ZBTB7C: variants seen among roughly 807,000 people sequenced by gnomAD.
ZBTB7C encodes zinc finger and BTB domain containing 7C.
Under a neutral mutation model 25.7 loss-of-function variants are expected in ZBTB7C, and 8 were observed. The observed-to-expected ratio is 0.31, with a 90% confidence interval of 0.18 to 0.56. The LOEUF (loss-of-function observed/expected upper bound fraction) is 0.56. Ranked by LOEUF, ZBTB7C falls within the 20% of genes least tolerant of loss-of-function variation. The probability of loss-of-function intolerance (pLI) is 0.91; values close to 1 mark genes in which losing one functional copy is unlikely to be tolerated. For missense variants in ZBTB7C, 824 were observed against 855.2 expected, an observed-to-expected ratio of 0.96 and a Z score of 0.46; for synonymous variants, 394 against 369.0, an observed-to-expected ratio of 1.07 and a Z score of -0.78.
At chr18:48,327,438 G>C (rs556448243) in intron 2 of ZBTB7C, among the ~76,000 whole-genome samples, 2 of 152,222 alleles carry the variant, frequency 1.3e-5, no homozygotes, top group Non-Finnish European at 2.9e-5. Context: ...AAGGCTGTGA[G>C]TCAGGAGATA....
intron 2 of ZBTB7C, among the ~76,000 whole-genome samples, chr18:48,232,244 CAGCCAA>C (rs1367833008): frequency 6.6e-6 from 1 of 152,194 alleles, no homozygotes; most frequent in East Asian, 1.9e-4. Context: ...GTGCATCCAT[CAGCCAA>C]AGAACACTGA....
chr18:48,196,150 C>T (rs754653526), intron 2 of ZBTB7C, among the ~76,000 whole-genome samples: 2 of 152,158 alleles, frequency 1.3e-5, no homozygotes, highest in Non-Finnish European at 2.9e-5. Context: ...GCATCCAGTG[C>T]CCTCCTTATC....
chr18:48,171,125 C>T (rs1413476348), intron 3 of ZBTB7C, among the ~76,000 whole-genome samples: 1 of 152,238 alleles, frequency 6.6e-6, no homozygotes, highest in African/African-American at 2.4e-5. Flanking sequence ...AAGAAGATGG[C>T]ACCAGGTCTC....
chr18:48,404,087 T>C (rs1316505997), intron 1 of ZBTB7C, among the ~76,000 whole-genome samples: 1 of 152,130 alleles, frequency 6.6e-6, no homozygotes, highest in African/African-American at 2.4e-5. Context: ...ACCCCGTCTC[T>C]ACTAAAAATA....
At chr18:48,237,379 T>C (rs1379086022) in intron 2 of ZBTB7C, among the ~76,000 whole-genome samples, 5 of 151,794 alleles carry the variant, frequency 3.3e-5, no homozygotes, top group African/African-American at 9.7e-5. Flanking sequence ...TAGGAAACAG[T>C]ACAAATGTGG....
chr18:48,158,583 T>C (rs937509687), intron 3 of ZBTB7C, among the ~76,000 whole-genome samples: 4 of 152,020 alleles, frequency 2.6e-5, no homozygotes, highest in Non-Finnish European at 5.9e-5. Context: ...GGAGGAAGCA[T>C]TCTGGGGCCA....
At chr18:48,149,845 C>T (rs935326981) in intron 3 of ZBTB7C, 1 of 145,206 alleles carries the variant, frequency 6.9e-6, no homozygotes, top group Middle Eastern at 3.5e-3. Flanking sequence ...ACTCTGTTGC[C>T]TAGGCTGGAA....
At chr18:48,158,700 G>A (rs2040911194) in intron 3 of ZBTB7C, among the ~76,000 whole-genome samples, 1 of 152,180 alleles carries the variant, frequency 6.6e-6, no homozygotes, top group South Asian at 2.1e-4. Flanking sequence ...GTGAAGTAGA[G>A]TGTTCTATGT....
chr18:48,038,310 A>G (rs927506581), intron 4 of ZBTB7C, among the ~76,000 whole-genome samples: 2 of 152,022 alleles, frequency 1.3e-5, no homozygotes, highest in Non-Finnish European at 2.9e-5. Context: ...CTGTCACTGG[A>G]AGCACCTGGG....
At chr18:48,032,200 G>A (rs978411812) in intron 4 of ZBTB7C, among the ~76,000 whole-genome samples, 1 of 151,908 alleles carries the variant, frequency 6.6e-6, no homozygotes, top group African/African-American at 2.4e-5. Context: ...TGTAACCTCC[G>A]CTTCCCAGGT....
chr18:48,268,086 G>A (rs2044365626), intron 2 of ZBTB7C, among the ~76,000 whole-genome samples: 1 of 152,196 alleles, frequency 6.6e-6, no homozygotes, highest in Non-Finnish European at 1.5e-5. Flanking sequence ...ACAATATTTA[G>A]CAGATACTTT....
intron 3 of ZBTB7C, among the ~76,000 whole-genome samples, chr18:48,141,369 C>G (rs979186424): frequency 2.6e-5 from 4 of 152,062 alleles, no homozygotes; most frequent in African/African-American, 9.7e-5. Flanking sequence ...ACTGTCCCTC[C>G]CACTAGAATG....
chr18:48,167,563 G>GGTGTGTGTGTGTGTGTGTGTGT (rs748451365), intron 3 of ZBTB7C, among the ~76,000 whole-genome samples: 3 of 142,484 alleles, frequency 2.1e-5, no homozygotes, highest in Admixed American at 7.0e-5. Flanking sequence ...GCATTGCTAG[G>GGTGTGTGTGTGTGTGTGTGTGT]GTGTGTGTGT....
rs376663071 is a variant in ZBTB7C at position 48,040,751 on chromosome 18, G to A, written c.357C>T (p.Ile119=). The A allele has an allele frequency of 2.4e-5, 39 of 1,613,446 alleles. 1 individual carries two copies. In the African/African-American group the frequency reaches 4.0e-4, roughly 17 times the overall value. ...CCATGATCTCCAGGCACACGTTCACGATGCACTGGATCTCCAGCATCCTGG... is the reference window on the plus strand; with the variant it reads ...CCATGATCTCCAGGCACACGTTCACAATGCACTGGATCTCCAGCATCCTGG... ...NAARMLEIQC[I]VNVCLEIMEP... The change falls in exon 4 of 5, where the codon ATC becomes ATT. Residue 119 remains isoleucine, a synonymous_variant. Coordinates refer to ENST00000590800, the MANE Select transcript of ZBTB7C (RefSeq NM_001318841.2).
Position 48,299,799 on chromosome 18 carries a change from T to G in ZBTB7C, c.-79+38375A>C, listed in dbSNP as rs117137606. Among the ~76,000 whole-genome samples the G allele has an allele frequency of 3.3e-4, 50 of 152,348 alleles. 1 individual carries two copies. The East Asian group carries it at 9.4e-3, about 29-fold the overall frequency. On this transcript the variant is annotated intron_variant, in intron 2 of 4. Coordinates refer to ENST00000590800, the MANE Select transcript of ZBTB7C (RefSeq NM_001318841.2). ...ACGGAAGTGAAGTGAAAATGGCTCATGAGTAGATGTGACATCTATTTTCCT... is the reference window on the plus strand; with the variant it reads ...ACGGAAGTGAAGTGAAAATGGCTCAGGAGTAGATGTGACATCTATTTTCCT...
At chr18:48,394,437 G>T (rs941027745) in intron 1 of ZBTB7C, among the ~76,000 whole-genome samples, 3 of 152,172 alleles carry the variant, frequency 2.0e-5, no homozygotes, top group Non-Finnish European at 2.9e-5. Context: ...TGAAGGGTAG[G>T]GGGTGAGGGA....
intron 2 of ZBTB7C, among the ~76,000 whole-genome samples, chr18:48,191,183 T>C (rs879821636): frequency 6.6e-6 from 1 of 152,148 alleles, no homozygotes; most frequent in Non-Finnish European, 1.5e-5. Flanking sequence ...CCTCTGACCT[T>C]CCAGCAGGTG....
At chr18:48,361,266 T>C (rs562547612) in intron 1 of ZBTB7C, among the ~76,000 whole-genome samples, 1 of 152,326 alleles carries the variant, frequency 6.6e-6, no homozygotes, top group East Asian at 1.9e-4. Flanking sequence ...CTTCTCAAAA[T>C]GTTTTTATTC....
chr18:48,042,601 G>A (rs1490020905), intron 3 of ZBTB7C, among the ~76,000 whole-genome samples: 2 of 152,212 alleles, frequency 1.3e-5, no homozygotes, highest in Non-Finnish European at 2.9e-5. Context: ...CACTGGGAAG[G>A]CAGCAGGCAT....
Sources: gnomAD v4.1 joint callset for allele counts (sites outside exome capture counted in the v4.1 genomes callset) on GRCh38, gnomAD v4.1.1 for gene constraint, MANE v1.5 for transcripts, NCBI Gene and HGNC (gene_info 2026-07-23, HGNC 2026-07-21) for gene names.